The following BICD1 variants were observed in gnomAD, a reference collection of about 807,000 sequenced individuals.
BICD1 encodes the protein protein bicaudal D homolog 1.
BICD1 carries 35 observed loss-of-function variants against 92.5 expected under a neutral mutation model. That is an observed-to-expected ratio of 0.38 (90% CI 0.29 to 0.50). The LOEUF is 0.50. BICD1 is among the 20% of genes least tolerant of loss of function. The probability of loss-of-function intolerance (pLI) is 0.93; values close to 1 mark genes in which losing one functional copy is unlikely to be tolerated. For synonymous variants in BICD1, 429 were observed against 465.1 expected, an observed-to-expected ratio of 0.92 and a Z score of 1.00; for missense variants, 950 against 1,189.8, an observed-to-expected ratio of 0.80 and a Z score of 2.97.
At chr12:32,362,550 G>T (rs557990596) in intron 8 of BICD1, among the ~76,000 whole-genome samples, 24 of 152,152 alleles carry the variant, frequency 1.6e-4, no homozygotes, top group Admixed American at 3.3e-4. Flanking sequence ...TTGTATTTTT[G>T]AGAGCGCTGG....
intron 6 of BICD1, among the ~76,000 whole-genome samples, chr12:32,335,777 G>T (rs1195483945): frequency 6.6e-6 from 1 of 151,526 alleles, no homozygotes; most frequent in Non-Finnish European, 1.5e-5. Context: ...TGGAGGCAGG[G>T]TCTCGCCATG....
rs142705796 is a variant in BICD1, at chr12:32,344,972, G to A, written c.2764+5993G>A. Among the ~76,000 whole-genome samples, 14 of 152,162 alleles carry A rather than the reference G, an allele frequency of 9.2e-5. No homozygotes were observed. In the East Asian group the frequency reaches 1.9e-3, roughly 21 times the overall value. On this transcript the variant is annotated intron_variant, in intron 8 of 9. Coordinates refer to ENST00000652176, the MANE Select transcript of BICD1 (RefSeq NM_001714.4). Reference sequence around the variant, plus strand: ...TGGGCACTTCTTGATGTCAGAACATGTTGTCTTTAGTTTGGAATCTGCCAA... The same window carrying A: ...TGGGCACTTCTTGATGTCAGAACATATTGTCTTTAGTTTGGAATCTGCCAA...
chr12:32,282,836 C>T (rs1947457425), intron 2 of BICD1, among the ~76,000 whole-genome samples: 1 of 152,122 alleles, frequency 6.6e-6, no homozygotes, highest in Non-Finnish European at 1.5e-5. Flanking sequence ...CAGAGGTGGC[C>T]ACCGATCCAA....
chr12:32,172,711 G>A (rs1383437196), intron 1 of BICD1, among the ~76,000 whole-genome samples: 1 of 152,086 alleles, frequency 6.6e-6, no homozygotes, highest in Non-Finnish European at 1.5e-5. Context: ...TGCTGACCTG[G>A]GTAGGACAGG....
At chr12:32,208,934 C>A (rs531729757) in intron 1 of BICD1, among the ~76,000 whole-genome samples, 7 of 152,164 alleles carry the variant, frequency 4.6e-5, no homozygotes, top group African/African-American at 1.7e-4. Flanking sequence ...AGCGATTCTC[C>A]TGCGATTCTC....
chr12:32,154,069 T>C (rs748307390), intron 1 of BICD1, among the ~76,000 whole-genome samples: 4 of 152,040 alleles, frequency 2.6e-5, no homozygotes, highest in African/African-American at 9.7e-5. Context: ...GAATTAAGCA[T>C]GTCACCCAGT....
intron 2 of BICD1, among the ~76,000 whole-genome samples, chr12:32,247,094 A>C (rs326642): frequency 0.38 from 57,863 of 151,574 alleles, 11,992 homozygotes; most frequent in Non-Finnish European, 0.47. Flanking sequence ...TTGTTTCTAC[A>C]AAAAATACAA....
intron 1 of BICD1, among the ~76,000 whole-genome samples, chr12:32,173,115 G>A (rs577451490): frequency 4.3e-4 from 65 of 151,890 alleles, no homozygotes; most frequent in South Asian, 2.7e-3. Flanking sequence ...TGGCACGATC[G>A]TGGATCACTG....
intron 8 of BICD1, among the ~76,000 whole-genome samples, chr12:32,350,626 A>T (rs1469548435): frequency 2.0e-5 from 3 of 152,244 alleles, no homozygotes; most frequent in Non-Finnish European, 4.4e-5. Context: ...GCAGGGAAGC[A>T]TCGCTGCCAC....
rs1207327157 is a variant in BICD1, at chr12:32,125,283, A to AACCC, written c.213+17739_213+17740insACCC. Among the ~76,000 whole-genome samples, 318 of 152,276 alleles carry AACCC rather than the reference A, an allele frequency of 2.1e-3. 1 individual carries two copies. The highest frequency in any genetic ancestry group is 7.5e-3 in the African/African-American group (310 of 41,550). ...TTCTAATGGTTGATCAGACCCTTGA[A>AACCC]TGTTGAGCTCTTTCCATACTAGACT... On this transcript the variant is annotated intron_variant, in intron 1 of 9. Coordinates refer to ENST00000652176, the MANE Select transcript of BICD1 (RefSeq NM_001714.4).
At chr12:32,367,644 A>C in intron 8 of BICD1, 26 bp from the exon 9 acceptor site, 3 of 1,606,630 alleles carry the variant, frequency 1.9e-6, no homozygotes, top group Non-Finnish European at 1.7e-6. Context: ...CTTTGTACAC[A>C]TGTCTAATTT....
chr12:32,215,160 C>T (rs1945315969), intron 1 of BICD1, among the ~76,000 whole-genome samples: 1 of 151,852 alleles, frequency 6.6e-6, no homozygotes, highest in African/African-American at 2.4e-5. Context: ...ACCCAGGAGG[C>T]AGAGGTTGCA....
chr12:32,118,001 C>T (rs1942001567), intron 1 of BICD1, among the ~76,000 whole-genome samples: 1 of 151,540 alleles, frequency 6.6e-6, no homozygotes, highest in Non-Finnish European at 1.5e-5. Context: ...CTGCTCGCCT[C>T]GGCCTCCCAA....
At chr12:32,293,580 T>C (rs111280655) in intron 2 of BICD1, among the ~76,000 whole-genome samples, 181 of 152,144 alleles carry the variant, frequency 1.2e-3, no homozygotes, top group African/African-American at 4.0e-3. Context: ...TCCACCTACC[T>C]TGACCTCCCA....
At chr12:32,368,683 A>G (rs955764024) in intron 9 of BICD1, among the ~76,000 whole-genome samples, 3 of 152,166 alleles carry the variant, frequency 2.0e-5, no homozygotes, top group Non-Finnish European at 2.9e-5. Context: ...TGACAGAGAG[A>G]GATTCCATCT....
At chr12:32,238,117 C>T (rs1476310037) in intron 2 of BICD1, among the ~76,000 whole-genome samples, 1 of 152,110 alleles carries the variant, frequency 6.6e-6, no homozygotes, top group Non-Finnish European at 1.5e-5. Context: ...TTTAAGACTT[C>T]AGTAGAGCAG....
At chr12:32,300,349 T>G (rs998243201) in intron 3 of BICD1, among the ~76,000 whole-genome samples, 1 of 152,028 alleles carries the variant, frequency 6.6e-6, no homozygotes, top group Admixed American at 6.6e-5. Flanking sequence ...ATGATCCTCC[T>G]GCCTCGGCCT....
At chr12:32,202,170 G>A (rs1026616822) in intron 1 of BICD1, among the ~76,000 whole-genome samples, 7 of 152,220 alleles carry the variant, frequency 4.6e-5, no homozygotes, top group Non-Finnish European at 8.8e-5. Context: ...GAGAGAGGAA[G>A]CATGGACAGC....
intron 2 of BICD1, among the ~76,000 whole-genome samples, chr12:32,266,820 C>T (rs1288857258): frequency 6.7e-6 from 1 of 150,154 alleles, no homozygotes; most frequent in Non-Finnish European, 1.5e-5. Flanking sequence ...ATCACGTCAC[C>T]GCACTCTAGC....
Sources: allele counts gnomAD v4.1 joint callset (sites outside exome capture counted in the v4.1 genomes callset), GRCh38; gene constraint gnomAD v4.1.1; transcripts MANE v1.5; gene names NCBI Gene and HGNC (gene_info 2026-07-23, HGNC 2026-07-21).